GDAP1: variants seen among roughly 807,000 people sequenced by gnomAD.
GDAP1 encodes ganglioside-induced differentiation-associated protein 1.
A neutral mutation model predicts 40.1 loss-of-function variants in GDAP1; 34 were observed. The ratio of observed to expected loss-of-function variants is 0.85; its 90% CI spans 0.64 to 1.13. The LOEUF (loss-of-function observed/expected upper bound fraction) is 1.13. GDAP1 is among the 50% of genes most tolerant of loss of function. The probability of loss-of-function intolerance (pLI) is 0.00; values close to 1 mark genes in which losing one functional copy is unlikely to be tolerated. For synonymous variants in GDAP1, 170 were observed against 157.4 expected, an observed-to-expected ratio of 1.08 and a Z score of -0.60; for missense variants, 374 against 433.7, an observed-to-expected ratio of 0.86 and a Z score of 1.22.
rs551202258 is a variant in GDAP1 at position 74,383,632 on chromosome 8, A to T, written c.165+32311A>T. Among the ~76,000 whole-genome samples the T allele has an allele frequency of 1.3e-3, 194 of 152,208 alleles. 1 individual carries two copies. Among genetic ancestry groups the T allele is most frequent in the African/African-American group, 4.6e-3 (192 of 41,532 alleles). ...ATCTCATTTCCAAATCTTTCTTTTC[A>T]TCTTCCTCCAGTCAGAGGCTTAATC... On this transcript the variant is annotated intron_variant, in intron 2 of 2. Transcript: ENST00000523640.
At chr8:74,369,115 G>A (rs541284632), downstream of GDAP1, among the ~76,000 whole-genome samples, 1 of 152,046 alleles carries the variant, frequency 6.6e-6, no homozygotes, top group South Asian at 2.1e-4. Context: ...AGGACAAAAC[G>A]TACACAGTTT....
intron 2 of GDAP1, among the ~76,000 whole-genome samples, chr8:74,391,578 T>G (rs192092344): frequency 1.2e-3 from 181 of 151,918 alleles, no homozygotes; most frequent in African/African-American, 3.8e-3. Context: ...TCACCCACCT[T>G]CTGCGTTGAT....
rs756599272 is a variant in GDAP1 at position 74,364,184 on chromosome 8, T to C, written c.894T>C (p.Asn298=). ...TFNKVLGHVN[N]ILISAVLPTA... ...ACAAGGTTTTAGGACATGTCAACAATATATTAATCTCTGCAGTGCTGCCAA... is the reference window on the plus strand; with the variant it reads ...ACAAGGTTTTAGGACATGTCAACAACATATTAATCTCTGCAGTGCTGCCAA... The change falls in exon 6 of 6, where the codon AAT becomes AAC. Residue 298 remains asparagine (N), a synonymous_variant. Transcript: ENST00000220822. The C allele has an allele frequency of 6.4e-5, 104 of 1,613,988 alleles. No homozygotes were observed. The highest frequency in any genetic ancestry group is 8.1e-5 in the Non-Finnish European group (95 of 1,179,972).
At chr8:74,374,355 C>T (rs925068898) in intron 2 of GDAP1, among the ~76,000 whole-genome samples, 7 of 151,968 alleles carry the variant, frequency 4.6e-5, no homozygotes, top group Admixed American at 6.6e-5. Flanking sequence ...CTTGTACCTC[C>T]GGTAGAATGG....
intron 2 of GDAP1, among the ~76,000 whole-genome samples, chr8:74,420,286 G>T (rs1200770706): frequency 6.6e-6 from 1 of 152,060 alleles, no homozygotes; most frequent in Non-Finnish European, 1.5e-5. Context: ...TCAGGCCCTG[G>T]TTGAGTATCA....
intron 2 of GDAP1, among the ~76,000 whole-genome samples, chr8:74,434,161 G>A (rs888952487): frequency 1.3e-5 from 2 of 152,070 alleles, no homozygotes; most frequent in Non-Finnish European, 2.9e-5. Context: ...GGTGGCCCTG[G>A]GAACCCACTG....
intron 2 of GDAP1, among the ~76,000 whole-genome samples, chr8:74,455,328 A>G (rs562731225): frequency 6.6e-6 from 1 of 152,058 alleles, no homozygotes; most frequent in South Asian, 2.1e-4. Flanking sequence ...AACAAAAGGG[A>G]ATGTACATCA....
intron 2 of GDAP1, among the ~76,000 whole-genome samples, chr8:74,396,085 A>G (rs1030727408): frequency 6.6e-6 from 1 of 152,160 alleles, no homozygotes; most frequent in Non-Finnish European, 1.5e-5. Flanking sequence ...TATCACAATC[A>G]AAAGAGTTTG....
intron 2 of GDAP1, among the ~76,000 whole-genome samples, chr8:74,403,140 A>C (rs1326128356): frequency 6.7e-6 from 1 of 150,136 alleles, no homozygotes; most frequent in African/African-American, 2.5e-5. Context: ...TGGGAGAGTC[A>C]TTCTCTGGGT....
chr8:74,392,634 G>A lies in GDAP1; in HGVS notation c.165+41313G>A, dbSNP rs1810127402. Among the ~76,000 whole-genome samples the A allele has an allele frequency of 3.3e-5, 5 of 152,218 alleles. No individual in the cohort carries two copies. In the South Asian group the frequency reaches 8.3e-4, roughly 25 times the overall value. On this transcript the variant is annotated intron_variant, in intron 2 of 2. Transcript: ENST00000523640. ...CATTTGATAGAACAGAGCAGTTCCT[G>A]GAAATGGATGTGGAGCCATGAACTA...
At chr8:74,486,896 C>T (rs1806782618) in intron 2 of GDAP1, among the ~76,000 whole-genome samples, 1 of 152,136 alleles carries the variant, frequency 6.6e-6, no homozygotes, top group South Asian at 2.1e-4. Flanking sequence ...GTCAGTAAGG[C>T]TTCAAACAGC....
At chr8:74,457,553 CTATT>C (rs139969198) in intron 2 of GDAP1, among the ~76,000 whole-genome samples, 4,235 of 152,102 alleles carry the variant, frequency 0.028, 99 homozygotes, top group East Asian at 0.094. Flanking sequence ...TTGTTTCAAA[CTATT>C]TATCACATTA....
chr8:74,411,896 AATAACTTATGAGATT>A (rs1805714416), intron 2 of GDAP1, among the ~76,000 whole-genome samples: 2 of 149,638 alleles, frequency 1.3e-5, no homozygotes, highest in Admixed American at 6.6e-5. Context: ...AAAAAATAAT[AATAACTTATGAGATT>A]ATAACTTATG....
At chr8:74,431,392 T>A (rs936217727) in intron 2 of GDAP1, among the ~76,000 whole-genome samples, 2 of 152,180 alleles carry the variant, frequency 1.3e-5, no homozygotes, top group East Asian at 3.8e-4. Flanking sequence ...CTGGATTGGC[T>A]TATATGGACT....
Position 74,471,153 on chromosome 8 carries a change from T to G in GDAP1, c.166-17525T>G, listed in dbSNP as rs1007721702. On this transcript the variant is annotated intron_variant, in intron 2 of 2. Coordinates refer to the GDAP1 transcript ENST00000523640. ...TTGTAGATTCTGGATATTAGCCCTT[T>G]GTCAGATGAGTAGATTGCAAAAATT... Among the ~76,000 whole-genome samples the G allele has an allele frequency of 2.0e-5, 3 of 152,164 alleles. 1 individual carries two copies. The South Asian group carries it at 6.2e-4, about 31-fold the overall frequency.
intron 2 of GDAP1, among the ~76,000 whole-genome samples, chr8:74,477,227 A>T (rs1806641402): frequency 1.3e-5 from 2 of 152,136 alleles, no homozygotes; most frequent in African/African-American, 4.8e-5. Flanking sequence ...TTGGGTTTCA[A>T]CGTTTTCTTG....
intron 3 of GDAP1, 54 bp from the exon 4 acceptor site, chr8:74,361,830 C>A: frequency 1.0e-6 from 1 of 959,042 alleles, no homozygotes; most frequent in Non-Finnish European, 1.7e-6. Flanking sequence ...CTCCTTGTTA[C>A]TGGTGTAGAA....
At chr8:74,449,516 T>G (rs1465123668) in intron 2 of GDAP1, among the ~76,000 whole-genome samples, 1 of 151,914 alleles carries the variant, frequency 6.6e-6, no homozygotes, top group African/African-American at 2.4e-5. Context: ...TGTTTTGTAG[T>G]TTTTAGTTCA....
At chr8:74,448,591 T>G (rs1355488985) in intron 2 of GDAP1, among the ~76,000 whole-genome samples, 1 of 152,138 alleles carries the variant, frequency 6.6e-6, no homozygotes, top group East Asian at 1.9e-4. Flanking sequence ...ACTAACATTT[T>G]ATTGTTGTTC....
Sources: allele counts gnomAD v4.1 joint callset (sites outside exome capture counted in the v4.1 genomes callset), GRCh38; gene constraint gnomAD v4.1.1; transcripts MANE v1.5; gene names NCBI Gene and HGNC (gene_info 2026-07-23, HGNC 2026-07-21).